The following ITPR1 variants were observed in gnomAD, a reference collection of about 807,000 sequenced individuals.
The protein encoded by ITPR1 is inositol 1,4,5-trisphosphate receptor type 1.
In ITPR1, 96 loss-of-function variants were observed where a neutral mutation model predicts 318.4. That is an observed-to-expected ratio of 0.30 (90% CI 0.26 to 0.36). The LOEUF is 0.36. ITPR1 is among the 10% of genes least tolerant of loss of function. ITPR1 has a pLI of 1.00. For synonymous variants in ITPR1, 1,312 were observed against 1,289.9 expected, an observed-to-expected ratio of 1.02 and a Z score of -0.37; for missense variants, 2,440 against 3,460.2, an observed-to-expected ratio of 0.71 and a Z score of 7.40.
At chr3:4,805,619 A>T (rs1167808562) in intron 54 of ITPR1, among the ~76,000 whole-genome samples, 2 of 152,132 alleles carry the variant, frequency 1.3e-5, no homozygotes, top group African/African-American at 4.8e-5. Flanking sequence ...TTTCCCTGTG[A>T]ACTTAGGAGC....
intron 4 of ITPR1, among the ~76,000 whole-genome samples, chr3:4,595,740 A>G (rs2090757001): frequency 1.3e-5 from 2 of 152,126 alleles, no homozygotes; most frequent in Non-Finnish European, 2.9e-5. Flanking sequence ...GAGGTGATGA[A>G]GAAGGTCGCA....
rs573944917 is a variant in ITPR1 at position 4,532,920 on chromosome 3, C to T, written c.163+11826C>T. Among the ~76,000 whole-genome samples the T allele has an allele frequency of 5.3e-5, 8 of 152,302 alleles. No individual in the cohort carries two copies. The South Asian group carries it at 6.2e-4, about 12-fold the overall frequency. On this transcript the variant is annotated intron_variant, in intron 4 of 61. Transcript: ENST00000649015. ...CTGCTTCAAATTACTGAGTTTCCCC[C>T]GATTCAAAGAGGGCTGACCATCTGT...
chr3:4,685,064 A>G lies in ITPR1; in HGVS notation c.3565-5A>G, dbSNP rs762415028. The G allele has an allele frequency of 3.7e-6, 6 of 1,606,998 alleles. No individual in the cohort carries two copies. In the Admixed American group the frequency reaches 8.5e-5, roughly 23 times the overall value. On this transcript the variant is annotated splice_region_variant and splice_polypyrimidine_tract_variant and intron_variant, in intron 29 of 61. Transcript: ENST00000649015. ...TTCTGAGACTGATTTCTTTCATTCT[A>G]CTAGATTTTGATTCGGCTTAGCAAA...
chr3:4,760,759 G>C (rs561328702), intron 44 of ITPR1, among the ~76,000 whole-genome samples: 48 of 152,268 alleles, frequency 3.2e-4, no homozygotes, highest in African/African-American at 1.0e-3. Flanking sequence ...TTTAGCAATG[G>C]TGAATGGAGT....
intron 18 of ITPR1, among the ~76,000 whole-genome samples, chr3:4,668,140 T>C (rs2093990146): frequency 6.6e-6 from 1 of 152,064 alleles, no homozygotes. Context: ...CCCATTTACC[T>C]ACAAACAGTA....
At chr3:4,644,269 A>T (rs762353209) in intron 8 of ITPR1, 35 bp downstream of exon 8, 49 of 1,447,678 alleles carry the variant, frequency 3.4e-5, no homozygotes, top group Non-Finnish European at 4.4e-5. Flanking sequence ...GGGTGTGGTT[A>T]TCCTGCAGGA....
At chr3:4,615,433 A>G in intron 4 of ITPR1, among the ~76,000 whole-genome samples, 1 of 146,604 alleles carries the variant, frequency 6.8e-6, no homozygotes, top group South Asian at 2.1e-4. Flanking sequence ...CTGGAGTGCA[A>G]TGGCACGATC....
At chr3:4,547,465 G>A (rs1402664303) in intron 4 of ITPR1, among the ~76,000 whole-genome samples, 1 of 152,166 alleles carries the variant, frequency 6.6e-6, no homozygotes, top group East Asian at 1.9e-4. Flanking sequence ...AGATGACATG[G>A]ATTTGTCCCC....
chr3:4,537,814 T>A (rs1025589918), intron 4 of ITPR1, among the ~76,000 whole-genome samples: 10 of 152,248 alleles, frequency 6.6e-5, no homozygotes, highest in Non-Finnish European at 1.3e-4. Context: ...AGAGAGTAGA[T>A]TTGTGTTGCT....
chr3:4,565,558 A>C (rs2125025094), intron 4 of ITPR1, among the ~76,000 whole-genome samples: 1 of 152,342 alleles, frequency 6.6e-6, no homozygotes, highest in South Asian at 2.1e-4. Context: ...GTGCCAAGAA[A>C]TAAACAGTCT....
Position 4,818,063 on chromosome 3 carries a change from CT to C in ITPR1, c.7868-14del. 1.9e-6 allele frequency: 3 copies of C among 1,583,266 alleles called. No homozygotes were observed. Among genetic ancestry groups the C allele is most frequent in the Non-Finnish European group, 2.6e-6 (3 of 1,159,262 alleles). ...AAGGCTGCTCAGCTGGGGCTGGGGG[CT>C]TTTTGTCTCATTTTTAGGCTTGGAA... On this transcript the variant is annotated intron_variant, in intron 59 of 61. Transcript: ENST00000649015.
At chr3:4,701,844 G>A (rs940785622) in intron 35 of ITPR1, among the ~76,000 whole-genome samples, 1 of 152,184 alleles carries the variant, frequency 6.6e-6, no homozygotes, top group African/African-American at 2.4e-5. Context: ...TATCAGGGAG[G>A]TTCTGAATTT....
chr3:4,637,767 CA>C (rs1449480798), intron 5 of ITPR1, among the ~76,000 whole-genome samples: 2 of 152,130 alleles, frequency 1.3e-5, no homozygotes, highest in Non-Finnish European at 1.5e-5. Context: ...TCATTTTTCT[CA>C]AAAGATGTGC....
chr3:4,804,118 C>G (rs1038730423), intron 54 of ITPR1, among the ~76,000 whole-genome samples: 7 of 152,188 alleles, frequency 4.6e-5, no homozygotes, highest in Non-Finnish European at 1.0e-4. Context: ...GCAATCCACC[C>G]GCCTCGGCCT....
rs548130018 is a variant in ITPR1, at chr3:4,567,899, C to T, written c.163+46805C>T. On this transcript the variant is annotated intron_variant, in intron 4 of 61. Coordinates refer to ENST00000649015, the MANE Select transcript of ITPR1 (RefSeq NM_001378452.1). ...GGTTACAGGTGTGAGCCACCGTGCCCCACCTTGAGCTAGTTCTTAAAGGTG... is the reference window on the plus strand; with the variant it reads ...GGTTACAGGTGTGAGCCACCGTGCCTCACCTTGAGCTAGTTCTTAAAGGTG... 7.9e-5 allele frequency among the ~76,000 whole-genome samples: 12 copies of T among 152,290 alleles called. No individual in the cohort carries two copies. In the South Asian group the frequency reaches 1.7e-3, roughly 21 times the overall value.
At chr3:4,661,928 G>A (rs1050433657) in intron 14 of ITPR1, among the ~76,000 whole-genome samples, 154 bp from the exon 15 acceptor site, 6 of 152,062 alleles carry the variant, frequency 3.9e-5, no homozygotes, top group Non-Finnish European at 8.8e-5. Flanking sequence ...ACCATTTGGA[G>A]TACGTCCTTG....
intron 4 of ITPR1, among the ~76,000 whole-genome samples, chr3:4,606,509 G>GT (rs1010232924): frequency 9.9e-4 from 151 of 152,226 alleles, no homozygotes; most frequent in African/African-American, 3.5e-3. Flanking sequence ...ATAGTCTGTG[G>GT]TCCTTGCCTT....
At chr3:4,734,722 G>A (rs1024207028) in intron 43 of ITPR1, among the ~76,000 whole-genome samples, 1 of 152,210 alleles carries the variant, frequency 6.6e-6, no homozygotes, top group Non-Finnish European at 1.5e-5. Context: ...GAGTAAGTTG[G>A]GGGTTAGAGT....
chr3:4,635,546 T>G (rs541454970), intron 5 of ITPR1, among the ~76,000 whole-genome samples: 2 of 151,904 alleles, frequency 1.3e-5, no homozygotes, highest in East Asian at 3.9e-4. Context: ...GGGGTTTCCC[T>G]GTGTTAGCCA....
Sources: gnomAD v4.1 joint callset for allele counts (sites outside exome capture counted in the v4.1 genomes callset) on GRCh38, gnomAD v4.1.1 for gene constraint, MANE v1.5 for transcripts, NCBI Gene and HGNC (gene_info 2026-07-23, HGNC 2026-07-21) for gene names.